Variants in COX7B2 observed in about 807,000 individuals in gnomAD.
COX7B2 encodes cytochrome c oxidase subunit 7B2, mitochondrial.
For missense variants in COX7B2, 109 were observed against 95.9 expected (o/e 1.14, Z -0.57); for synonymous variants, 37 against 32.1 (o/e 1.15, Z -0.51).
chr4:46,895,780 T>C (rs1719726339), intron 1 of COX7B2, among the ~76,000 whole-genome samples: 1 of 152,104 alleles, frequency 6.6e-6, no homozygotes, highest in South Asian at 2.1e-4. Context: ...CCCCCCCAAA[T>C]TGTATAATCT....
intron 1 of COX7B2, among the ~76,000 whole-genome samples, chr4:46,862,049 T>C (rs896813742): frequency 6.6e-6 from 1 of 152,182 alleles, no homozygotes; most frequent in Non-Finnish European, 1.5e-5. Context: ...ACACTCAGCA[T>C]CAGAAAGTAG....
At chr4:46,762,256 A>G (rs186063038) in intron 2 of COX7B2, among the ~76,000 whole-genome samples, 19 of 141,370 alleles carry the variant, frequency 1.3e-4, no homozygotes, top group Non-Finnish European at 4.6e-5. Context: ...TATATTTAAT[A>G]TATAATATAT....
intron 2 of COX7B2, among the ~76,000 whole-genome samples, chr4:46,803,026 A>G (rs1718741749): frequency 6.6e-6 from 1 of 152,194 alleles, no homozygotes. Flanking sequence ...AAGGAAGTAG[A>G]TTCCATAAAC....
chr4:46,749,196 T>G (rs547548754), intron 2 of COX7B2, among the ~76,000 whole-genome samples: 16 of 152,282 alleles, frequency 1.1e-4, no homozygotes, highest in African/African-American at 3.4e-4. Flanking sequence ...CTGAGCAAGT[T>G]AAATGTAGAA....
intron 2 of COX7B2, among the ~76,000 whole-genome samples, chr4:46,781,103 C>A (rs574809664): frequency 6.6e-6 from 1 of 152,192 alleles, no homozygotes; most frequent in Non-Finnish European, 1.5e-5. Flanking sequence ...CAGCTTTGAT[C>A]ATATGTACCA....
intron 2 of COX7B2, among the ~76,000 whole-genome samples, chr4:46,764,453 G>T (rs1033036160): frequency 4.6e-5 from 7 of 152,048 alleles, no homozygotes; most frequent in African/African-American, 1.7e-4. Flanking sequence ...TGAGGCAGGA[G>T]AACTGCTTTA....
intron 1 of COX7B2, among the ~76,000 whole-genome samples, chr4:46,896,475 C>G (rs747668538): frequency 3.3e-5 from 5 of 152,104 alleles, no homozygotes; most frequent in African/African-American, 4.8e-5. Flanking sequence ...AACAATTACA[C>G]CAGCATTGTA....
intron 2 of COX7B2, among the ~76,000 whole-genome samples, chr4:46,838,404 A>G (rs1463636517): frequency 6.6e-6 from 1 of 152,078 alleles, no homozygotes; most frequent in East Asian, 1.9e-4. Flanking sequence ...AAATTAGATG[A>G]CATAATTGGC....
At chr4:46,902,095 T>A in intron 1 of COX7B2, among the ~76,000 whole-genome samples, 1 of 152,164 alleles carries the variant, frequency 6.6e-6, no homozygotes, top group East Asian at 1.9e-4. Flanking sequence ...GCCTAATACA[T>A]CTATGAGCAA....
chr4:46,773,453 C>A (rs538189884), intron 2 of COX7B2, among the ~76,000 whole-genome samples: 5 of 152,150 alleles, frequency 3.3e-5, no homozygotes, highest in Admixed American at 2.6e-4. Context: ...GAGGCCCCCC[C>A]AGTCATGCTG....
chr4:46,898,841 C>G (rs895375520), intron 1 of COX7B2, among the ~76,000 whole-genome samples: 16 of 152,100 alleles, frequency 1.1e-4, no homozygotes, highest in Non-Finnish European at 2.4e-4. Context: ...GCCCTATATC[C>G]TTTTGCATAT....
At chr4:46,863,679 T>C (rs1347176966) in intron 1 of COX7B2, among the ~76,000 whole-genome samples, 2 of 152,218 alleles carry the variant, frequency 1.3e-5, no homozygotes, top group Admixed American at 6.5e-5. Flanking sequence ...CCTAATACGA[T>C]AATGCTCCAG....
chr4:46,843,071 C>G (rs1716043732), intron 2 of COX7B2, among the ~76,000 whole-genome samples: 1 of 152,006 alleles, frequency 6.6e-6, no homozygotes, highest in African/African-American at 2.4e-5. Flanking sequence ...CTGTTGTTTC[C>G]TGACTTTTTA....
At chr4:46,838,632 T>C (rs1715698459) in intron 2 of COX7B2, among the ~76,000 whole-genome samples, 1 of 152,036 alleles carries the variant, frequency 6.6e-6, no homozygotes, top group Non-Finnish European at 1.5e-5. Flanking sequence ...GCCTTATTGG[T>C]ATTCACAGTT....
intron 2 of COX7B2, among the ~76,000 whole-genome samples, chr4:46,757,749 T>C (rs1000710084): frequency 2.0e-5 from 3 of 152,168 alleles, no homozygotes; most frequent in Non-Finnish European, 2.9e-5. Flanking sequence ...TATCCACTGC[T>C]GTTCAGAGAC....
intron 2 of COX7B2, among the ~76,000 whole-genome samples, chr4:46,761,604 T>G (rs1434343461): frequency 6.6e-6 from 1 of 152,120 alleles, no homozygotes; most frequent in African/African-American, 2.4e-5. Context: ...TTACAAATTC[T>G]TTTACTATTT....
intron 1 of COX7B2, among the ~76,000 whole-genome samples, chr4:46,890,684 C>T (rs1719376502): frequency 6.6e-6 from 1 of 152,168 alleles, no homozygotes; most frequent in South Asian, 2.1e-4. Context: ...GGATAAAGAG[C>T]ATTCTGGACA....
In COX7B2 at chr4:46,831,063, G is replaced by A. The variant is rs553675790; in HGVS notation, c.-50+13897C>T. ...GAGGGAAAGGCATGGGCGGGAACCCGGGCTGCACAAGGCTTGCAGGCCAGC... is the reference window on the plus strand; with the variant it reads ...GAGGGAAAGGCATGGGCGGGAACCCAGGCTGCACAAGGCTTGCAGGCCAGC... On this transcript the variant is annotated intron_variant, in intron 2 of 2. Transcript: ENST00000355591. Among the ~76,000 whole-genome samples, 5 of 152,222 alleles carry A rather than the reference G, an allele frequency of 3.3e-5. No homozygotes were observed. The East Asian group carries it at 5.8e-4, about 18-fold the overall frequency.
In COX7B2 at chr4:46,836,406, C is replaced by T. The variant is rs190146436; in HGVS notation, c.-50+8554G>A. 1.0e-3 allele frequency among the ~76,000 whole-genome samples: 155 copies of T among 151,606 alleles called. No homozygotes were observed. The Middle Eastern group carries it at 0.021, about 20-fold the overall frequency. ...TTAAAATCTAAAATGCAAAAACACACATTGGCCTAGACCTAGAAAGAGTTA... is the reference window on the plus strand; with the variant it reads ...TTAAAATCTAAAATGCAAAAACACATATTGGCCTAGACCTAGAAAGAGTTA... On this transcript the variant is annotated intron_variant, in intron 2 of 2. Transcript: ENST00000355591.
Sources: gnomAD v4.1 joint callset for allele counts (sites outside exome capture counted in the v4.1 genomes callset) on GRCh38, gnomAD v4.1.1 for gene constraint, MANE v1.5 for transcripts, NCBI Gene and HGNC (gene_info 2026-07-23, HGNC 2026-07-21) for gene names.